ZNF805: variants seen among roughly 807,000 people sequenced by gnomAD.
ZNF805 encodes the protein zinc finger protein 805, also known as CTC-444N24.8.
In ZNF805, 7 loss-of-function variants were observed where a neutral mutation model predicts 13.6. The observed-to-expected ratio is 0.51, with a 90% CI of 0.29 to 0.97. ZNF805 has a LOEUF of 0.97. Ranked by LOEUF, ZNF805 falls within the 50% of genes least tolerant of loss-of-function variation. ZNF805 has a pLI of 0.08. For missense variants in ZNF805, 604 were observed against 771.0 expected, an observed-to-expected ratio of 0.78 and a Z score of 2.57; for synonymous variants, 293 against 279.8, an observed-to-expected ratio of 1.05 and a Z score of -0.47.
chr19:57,240,886 C>G lies in ZNF805; in HGVS notation c.-6C>G. On this transcript the variant is annotated 5_prime_UTR_variant, in exon 1 of 4. Coordinates refer to ENST00000414468, the MANE Select transcript of ZNF805 (RefSeq NM_001023563.4). Reference sequence around the variant, plus strand: ...CCCCGCCCCGCTAGGGCCACAGGGTCCCGGTATGGCGATGGCTTTGACGGA... The same window carrying G: ...CCCCGCCCCGCTAGGGCCACAGGGTGCCGGTATGGCGATGGCTTTGACGGA... 1 of 1,553,434 alleles carries G rather than the reference C, an allele frequency of 6.4e-7. No homozygotes were observed. Among genetic ancestry groups the G allele is most frequent in the Non-Finnish European group, 8.7e-7 (1 of 1,148,348 alleles).
intron 2 of ZNF805, among the ~76,000 whole-genome samples, chr19:57,247,753 T>C (rs2087627956): frequency 6.6e-6 from 1 of 152,230 alleles, no homozygotes; most frequent in South Asian, 2.1e-4. Flanking sequence ...CAGACAGAGA[T>C]GGCAGGACCT....
chr19:57,259,231 C>G lies in ZNF805; in HGVS notation c.*4528C>G, dbSNP rs1178943778. Reference sequence around the variant, plus strand: ...ATTTGGGAATTTTTAACCATTATTTCTTGAAATATTTTTTCATCCCTACTC... The same window carrying G: ...ATTTGGGAATTTTTAACCATTATTTGTTGAAATATTTTTTCATCCCTACTC... On this transcript the variant is annotated 3_prime_UTR_variant, in exon 4 of 4. Transcript: ENST00000414468. 6.6e-6 allele frequency among the ~76,000 whole-genome samples: 1 copy of G among 152,006 alleles called. No homozygotes were observed. The highest frequency in any genetic ancestry group is 1.5e-5 in the Non-Finnish European group (1 of 67,996).
rs1439836008 is a variant in ZNF805, at chr19:57,240,913, C to T, written c.22C>T (p.Pro8Ser). The stretch of plus-strand genomic sequence containing the variant: ...CGGTATGGCGATGGCTTTGACGGAC[C>T]CGGCGCAGGTGAGTGGACAAGGTTT... MAMALTD[P>S]AQVSVTFDDV... The change falls in exon 1 of 4, where the codon CCG becomes TCG. Residue 8 changes from proline to serine, a missense_variant. Coordinates refer to ENST00000414468, the MANE Select transcript of ZNF805 (RefSeq NM_001023563.4). 4 of 1,558,914 alleles carry T rather than the reference C, an allele frequency of 2.6e-6. No individual in the cohort carries two copies. The highest frequency in any genetic ancestry group is 3.5e-6 in the Non-Finnish European group (4 of 1,151,818).
At chr19:57,245,636 G>A (rs537067649) in intron 2 of ZNF805, among the ~76,000 whole-genome samples, 26 of 150,100 alleles carry the variant, frequency 1.7e-4, no homozygotes, top group East Asian at 5.9e-4. Context: ...AAAATTAGCC[G>A]GGCGTGGTGG....
chr19:57,260,069 G>A lies in ZNF805; in HGVS notation c.*5366G>A, dbSNP rs2087714671. Among the ~76,000 whole-genome samples, 1 of 152,202 alleles carries A rather than the reference G, an allele frequency of 6.6e-6. No individual in the cohort carries two copies. Among genetic ancestry groups the A allele is most frequent in the Admixed American group, 6.5e-5 (1 of 15,278 alleles). On this transcript the variant is annotated 3_prime_UTR_variant, in exon 4 of 4. Coordinates refer to ENST00000414468, the MANE Select transcript of ZNF805 (RefSeq NM_001023563.4). ...TACGTACTCCACGGGAAGGTTGTAT[G>A]TAAAATCCTCCAGCTCTGTAAGCCT...
At chr19:57,246,774 CAAAAAAAAAAA>C (rs1168593434) in intron 2 of ZNF805, among the ~76,000 whole-genome samples, 2 of 86,250 alleles carry the variant, frequency 2.3e-5, no homozygotes. Flanking sequence ...GACTTCGTCT[CAAAAAAAAAAA>C]AAAAAAAAGA....
rs1395792634 is a variant in ZNF805, at chr19:57,260,992, T to C, written c.*6289T>C. On this transcript the variant is annotated 3_prime_UTR_variant, in exon 4 of 4. Transcript: ENST00000414468. ...TCCCCCCTTTAACTGATTAGAAAAC[T>C]GAGGTACAGAAAGATTAAGGAATTT... Among the ~76,000 whole-genome samples, 1 of 152,176 alleles carries C rather than the reference T, an allele frequency of 6.6e-6. No individual in the cohort carries two copies. Among genetic ancestry groups the C allele is most frequent in the Non-Finnish European group, 1.5e-5 (1 of 68,032 alleles).
rs770755777 is a variant in ZNF805, at chr19:57,240,865, G to T, written c.-27G>T. ...ACCCGCCCTGCTCGCCGCAGCCCCC[G>T]CCCCGCTAGGGCCACAGGGTCCCGG... On this transcript the variant is annotated 5_prime_UTR_variant, in exon 1 of 4. Transcript: ENST00000414468. The T allele has an allele frequency of 6.5e-6, 10 of 1,547,550 alleles. No homozygotes were observed. Among genetic ancestry groups the T allele is most frequent in the Admixed American group, 3.9e-5 (2 of 50,736 alleles).
In ZNF805 at chr19:57,254,433, G is replaced by C. The variant is rs372307504; in HGVS notation, c.1614G>C (p.Pro538=). The C allele has an allele frequency of 1.2e-6, 2 of 1,613,934 alleles. No individual in the cohort carries two copies. The highest frequency in any genetic ancestry group is 3.3e-5 in the Admixed American group (2 of 60,010). ...CTATCATCCACACTGGAGAGAAGCC[G>C]TATGAGTGCAGTGAATGTGGAAAGG... ...RHSIIHTGEK[P]YECSECGKAF... is the part of the protein sequence containing the mutation. Residue 538 remains proline, a synonymous_variant, in exon 4 of 4, where the codon CCG becomes CCC. Coordinates refer to ENST00000414468, the MANE Select transcript of ZNF805 (RefSeq NM_001023563.4).
intron 3 of ZNF805, among the ~76,000 whole-genome samples, chr19:57,250,726 G>T (rs2087646676): frequency 6.6e-6 from 1 of 152,180 alleles, no homozygotes; most frequent in Non-Finnish European, 1.5e-5. Context: ...TGATGTATTA[G>T]CAGGTTTTCG....
At chr19:57,247,295 C>T (rs1455684153) in intron 2 of ZNF805, among the ~76,000 whole-genome samples, 3 of 152,158 alleles carry the variant, frequency 2.0e-5, no homozygotes, top group African/African-American at 7.2e-5. Flanking sequence ...TCATCCTGGC[C>T]GCTGGTCCCT....
intron 2 of ZNF805, 94 bp downstream of exon 2, chr19:57,244,143 A>ACTGG: frequency 6.8e-7 from 1 of 1,466,800 alleles, no homozygotes; most frequent in South Asian, 1.4e-5. Context: ...GTCCTCTCTT[A>ACTGG]CTGGCCTTGC....
At chr19:57,245,570 G>GA (rs1194003438) in intron 2 of ZNF805, among the ~76,000 whole-genome samples, 1 of 150,138 alleles carries the variant, frequency 6.7e-6, no homozygotes, top group Non-Finnish European at 1.5e-5. Context: ...ACAAGGTCAG[G>GA]AGATAGAGAC....
In ZNF805 at chr19:57,256,624, A is replaced by T. The variant is rs2087688766; in HGVS notation, c.*1921A>T. Reference sequence around the variant, plus strand: ...AGCATTCTTTGAAATATTTCCTTTTATCCTCTTGATGGCAGCAGGATCTGT... The same window carrying T: ...AGCATTCTTTGAAATATTTCCTTTTTTCCTCTTGATGGCAGCAGGATCTGT... On this transcript the variant is annotated 3_prime_UTR_variant, in exon 4 of 4. Coordinates refer to ENST00000414468, the MANE Select transcript of ZNF805 (RefSeq NM_001023563.4). 6.6e-6 allele frequency among the ~76,000 whole-genome samples: 1 copy of T among 151,964 alleles called. No individual in the cohort carries two copies. The highest frequency in any genetic ancestry group is 1.5e-5 in the Non-Finnish European group (1 of 67,940).
rs756181193 is a variant in ZNF805, at chr19:57,254,442, C to T, written c.1623C>T (p.Cys541=). The change falls in exon 4 of 4, where the codon TGC becomes TGT. Residue 541 remains cysteine (C), a synonymous_variant. Transcript: ENST00000414468. Reference sequence around the variant, plus strand: ...ACACTGGAGAGAAGCCGTATGAGTGCAGTGAATGTGGAAAGGCCTTCAGTC... The same window carrying T: ...ACACTGGAGAGAAGCCGTATGAGTGTAGTGAATGTGGAAAGGCCTTCAGTC... ...IIHTGEKPYE[C]SECGKAFSRS... 8 of 1,614,062 alleles carry T rather than the reference C, an allele frequency of 5.0e-6. No homozygotes were observed. Among genetic ancestry groups the T allele is most frequent in the Non-Finnish European group, 6.8e-6 (8 of 1,180,036 alleles).
chr19:57,240,677 C>G lies in ZNF805; in HGVS notation c.-215C>G. ...TAGGGAGGGGGCGGTGTTCCGTGGC[C>G]GCCTCCCTGGCGGCGCTGGGGAAAT... On this transcript the variant is annotated 5_prime_UTR_variant, in exon 1 of 4. Transcript: ENST00000414468. 1 of 521,596 alleles carries G rather than the reference C, an allele frequency of 1.9e-6. No individual in the cohort carries two copies. 32.3% of individuals were successfully genotyped at this position (521,596 alleles called of 1,614,324 possible). A position where few individuals can be genotyped will look rare whatever the true frequency, so the allele number is the denominator to read the frequency against.
rs1018851176 is a variant in ZNF805 at position 57,256,966 on chromosome 19, C to T, written c.*2263C>T. Among the ~76,000 whole-genome samples the T allele has an allele frequency of 2.0e-5, 3 of 152,030 alleles. No homozygotes were observed. Among genetic ancestry groups the T allele is most frequent in the African/African-American group, 4.8e-5 (2 of 41,400 alleles). On this transcript the variant is annotated 3_prime_UTR_variant, in exon 4 of 4. Coordinates refer to ENST00000414468, the MANE Select transcript of ZNF805 (RefSeq NM_001023563.4). ...TTTCTTACACTGCTGTTAGTTTCAT[C>T]CCACAAGTCTTAATATGCTTTTGAT...
intron 3 of ZNF805, among the ~76,000 whole-genome samples, chr19:57,249,429 C>T (rs1172910352): frequency 1.3e-5 from 2 of 152,108 alleles, no homozygotes; most frequent in African/African-American, 2.4e-5. Context: ...AAAAGAAAAA[C>T]ATTATTTTTA....
At position 57,259,981 on chromosome 19, in the gene ZNF805, G is replaced by C. The variant is rs753619970; in HGVS notation, c.*5278G>C. On this transcript the variant is annotated 3_prime_UTR_variant, in exon 4 of 4. Transcript: ENST00000414468. ...TAGAAGTCCTGTAATCTTTTATATT[G>C]GGCTTCTTAAATATTTCTGTCAACA... is the stretch of plus-strand genomic sequence containing the variant. Among the ~76,000 whole-genome samples, 15 of 152,212 alleles carry C rather than the reference G, an allele frequency of 9.9e-5. No homozygotes were observed. Among genetic ancestry groups the C allele is most frequent in the Middle Eastern group, 3.4e-3 (1 of 294 alleles).
Sources: gnomAD v4.1 joint callset for allele counts (sites outside exome capture counted in the v4.1 genomes callset) on GRCh38, gnomAD v4.1.1 for gene constraint, MANE v1.5 for transcripts, NCBI Gene and HGNC (gene_info 2026-07-23, HGNC 2026-07-21) for gene names.